The following R3HDM2 variants were observed in gnomAD, a reference collection of about 807,000 sequenced individuals.
R3HDM2 encodes R3H domain-containing protein 2.
A neutral mutation model predicts 124.5 loss-of-function variants in R3HDM2; 38 were observed. That is an observed-to-expected ratio of 0.31 (90% CI 0.24 to 0.40). R3HDM2 has a LOEUF of 0.40. R3HDM2 is among the 10% of genes least tolerant of loss of function. R3HDM2 has a pLI of 1.00. For synonymous variants in R3HDM2, 391 were observed against 448.0 expected (o/e 0.87, Z 1.61); for missense variants, 869 against 1,236.9 (o/e 0.70, Z 4.46).
intron 2 of R3HDM2, among the ~76,000 whole-genome samples, chr12:57,386,843 G>GT (rs2065908718): frequency 6.6e-6 from 1 of 152,210 alleles, no homozygotes; most frequent in Non-Finnish European, 1.5e-5. Flanking sequence ...TCAGCACCCT[G>GT]TGTCTAGCTC....
intron 1 of R3HDM2, among the ~76,000 whole-genome samples, chr12:57,408,730 T>C (rs1005661789): frequency 1.3e-5 from 2 of 151,978 alleles, no homozygotes; most frequent in Admixed American, 6.6e-5. Context: ...AGAGCAAATC[T>C]CAAAAAATAT....
At chr12:57,261,412 T>C (rs2040778178) in intron 19 of R3HDM2, among the ~76,000 whole-genome samples, 1 of 151,456 alleles carries the variant, frequency 6.6e-6, no homozygotes, top group Admixed American at 6.6e-5. Flanking sequence ...AGGGGGTGAG[T>C]GTGTAGAAAT....
intron 1 of R3HDM2, among the ~76,000 whole-genome samples, chr12:57,397,289 C>T (rs1259702772): frequency 1.3e-5 from 2 of 152,150 alleles, no homozygotes; most frequent in Admixed American, 1.3e-4. Context: ...TGAGGGCTGG[C>T]TGTTTAATCT....
intron 2 of R3HDM2, among the ~76,000 whole-genome samples, chr12:57,341,766 C>T (rs1420023396): frequency 2.0e-5 from 3 of 152,084 alleles, no homozygotes; most frequent in East Asian, 1.9e-4. Context: ...CAGCCAGGTG[C>T]GGATAGCTGG....
At chr12:57,335,161 A>ATTT (rs1485180295) in intron 2 of R3HDM2, among the ~76,000 whole-genome samples, 1 of 151,374 alleles carries the variant, frequency 6.6e-6, no homozygotes, top group Non-Finnish European at 1.5e-5. Context: ...TATAACATAT[A>ATTT]TTTTTTCATA....
intron 2 of R3HDM2, among the ~76,000 whole-genome samples, chr12:57,355,456 C>CAAAAAAAAAAAAAAAAAAA (rs1275868390): frequency 2.0e-5 from 1 of 51,160 alleles, no homozygotes. Flanking sequence ...GAGACTGTCT[C>CAAAAAAAAAAAAAAAAAAA]AAAAAAAAAA....
In R3HDM2 at chr12:57,254,669, T is replaced by G. The variant is rs1451836288; in HGVS notation, c.*104A>C. ...CACTGTCTTAGGTTCCAGTTTAACA[T>G]CAGTTTCCTTACTTCCTGCCTCTGT... On this transcript the variant is annotated 3_prime_UTR_variant, in exon 24 of 24. Transcript: ENST00000402412. 2 of 1,020,928 alleles carry G rather than the reference T, an allele frequency of 2.0e-6. No individual in the cohort carries two copies. Among genetic ancestry groups the G allele is most frequent in the Non-Finnish European group, 2.8e-6 (2 of 711,040 alleles). 63.2% of individuals were successfully genotyped at this position (1,020,928 alleles called of 1,614,324 possible).
intron 2 of R3HDM2, among the ~76,000 whole-genome samples, chr12:57,392,559 TAGA>T (rs2066857985): frequency 6.6e-6 from 1 of 152,122 alleles, no homozygotes; most frequent in Non-Finnish European, 1.5e-5. Flanking sequence ...CCCTGACATA[TAGA>T]AGAACAAAGA....
chr12:57,381,064 T>C (rs2064797141), intron 2 of R3HDM2, among the ~76,000 whole-genome samples: 1 of 151,952 alleles, frequency 6.6e-6, no homozygotes, highest in South Asian at 2.1e-4. Flanking sequence ...ACCCCGTTTC[T>C]ACTAAAAATG....
At chr12:57,358,925 CT>C (rs567382472) in intron 2 of R3HDM2, among the ~76,000 whole-genome samples, 132 of 144,350 alleles carry the variant, frequency 9.1e-4, no homozygotes, top group Non-Finnish European at 7.6e-4. Context: ...AAATTTTTTT[CT>C]TTTTTTTTTT....
intron 1 of R3HDM2, among the ~76,000 whole-genome samples, chr12:57,404,284 G>C (rs370731959): frequency 6.7e-6 from 1 of 150,218 alleles, no homozygotes; most frequent in Non-Finnish European, 1.5e-5. Context: ...GGCTGGTCTC[G>C]AACTCCCAAC....
At chr12:57,419,616 C>G in intron 1 of R3HDM2, among the ~76,000 whole-genome samples, 1 of 152,010 alleles carries the variant, frequency 6.6e-6, no homozygotes, top group East Asian at 1.9e-4. Flanking sequence ...ATTGCTTTAA[C>G]TTCTGGTAGA....
chr12:57,302,660 T>G (rs1328104491), intron 4 of R3HDM2, among the ~76,000 whole-genome samples: 2 of 113,832 alleles, frequency 1.8e-5, no homozygotes, highest in Non-Finnish European at 1.8e-5. Flanking sequence ...AGCAAAAAAT[T>G]CCGTCTCAAA....
intron 1 of R3HDM2, among the ~76,000 whole-genome samples, chr12:57,428,947 A>G (rs992344711): frequency 2.5e-4 from 38 of 152,032 alleles, no homozygotes; most frequent in Non-Finnish European, 4.3e-4. Context: ...GGGTTCCACC[A>G]TGTTGGCCAG....
At chr12:57,326,860 C>T (rs1047640079) in intron 2 of R3HDM2, among the ~76,000 whole-genome samples, 12 of 152,032 alleles carry the variant, frequency 7.9e-5, no homozygotes, top group African/African-American at 2.7e-4. Context: ...ATCCTATGGC[C>T]TTAAGAATTA....
intron 2 of R3HDM2, among the ~76,000 whole-genome samples, chr12:57,335,491 C>CCTTTTTTTTTTT (rs1456392912): frequency 8.2e-6 from 1 of 122,260 alleles, no homozygotes; most frequent in Non-Finnish European, 1.7e-5. Flanking sequence ...CGCCCGGCCA[C>CCTTTTTTTTTTT]CTTTTTTTTT....
chr12:57,427,765 G>A (rs550081072), intron 1 of R3HDM2, among the ~76,000 whole-genome samples: 33 of 152,180 alleles, frequency 2.2e-4, no homozygotes, highest in African/African-American at 7.7e-4. Context: ...GTGTATGCAG[G>A]AGGGGCTTTG....
intron 2 of R3HDM2, among the ~76,000 whole-genome samples, chr12:57,386,488 C>A (rs1441495937): frequency 2.0e-5 from 3 of 152,262 alleles, no homozygotes; most frequent in African/African-American, 4.8e-5. Context: ...TCTTGCCGGG[C>A]CTTAGCTGCC....
chr12:57,400,605 C>A (rs931107522), intron 1 of R3HDM2, among the ~76,000 whole-genome samples: 5 of 151,812 alleles, frequency 3.3e-5, no homozygotes, highest in African/African-American at 1.2e-4. Flanking sequence ...TAAAAAAAAA[C>A]AATAAACACT....
Sources: allele counts gnomAD v4.1 joint callset (sites outside exome capture counted in the v4.1 genomes callset), GRCh38; gene constraint gnomAD v4.1.1; transcripts MANE v1.5; gene names NCBI Gene and HGNC (gene_info 2026-07-23, HGNC 2026-07-21).